The following ZNF385D variants were observed in gnomAD, a reference collection of about 807,000 sequenced individuals.
ZNF385D encodes the protein zinc finger protein 659.
Under a neutral mutation model 35.8 loss-of-function variants are expected in ZNF385D, and 15 were observed. The observed-to-expected ratio is 0.42, with a 90% confidence interval of 0.28 to 0.64. The LOEUF (loss-of-function observed/expected upper bound fraction) is 0.64. ZNF385D is among the 30% of genes least tolerant of loss of function. The pLI, the probability that ZNF385D is intolerant of heterozygous loss-of-function variation, is 0.23. For synonymous variants in ZNF385D, 212 were observed against 186.8 expected (o/e 1.13, Z -1.10); for missense variants, 474 against 494.6 (o/e 0.96, Z 0.39).
chr3:21,601,947 A>T (rs1248088973), intron 2 of ZNF385D, among the ~76,000 whole-genome samples: 1 of 152,210 alleles, frequency 6.6e-6, no homozygotes, highest in Non-Finnish European at 1.5e-5. Flanking sequence ...AGAATAAAGC[A>T]CGTGTATTAG....
intron 3 of ZNF385D, among the ~76,000 whole-genome samples, chr3:21,830,189 C>G (rs530212521): frequency 6.6e-6 from 1 of 152,142 alleles, no homozygotes; most frequent in Non-Finnish European, 1.5e-5. Flanking sequence ...TCTAATTACT[C>G]TAGTAAAAAT....
intron 4 of ZNF385D, among the ~76,000 whole-genome samples, chr3:21,474,239 T>C (rs1704088774): frequency 6.6e-6 from 1 of 152,108 alleles, no homozygotes; most frequent in African/African-American, 2.4e-5. Flanking sequence ...GGAATGTCTC[T>C]ATCCACAGTG....
At chr3:22,322,842 A>T (rs187628438) in intron 2 of ZNF385D, among the ~76,000 whole-genome samples, 1 of 152,130 alleles carries the variant, frequency 6.6e-6, no homozygotes, top group African/African-American at 2.4e-5. Flanking sequence ...AAAGTTCTGG[A>T]TATTTTTTAC....
intron 3 of ZNF385D, among the ~76,000 whole-genome samples, chr3:21,762,010 C>T (rs1044199776): frequency 1.1e-4 from 17 of 150,680 alleles, no homozygotes; most frequent in Non-Finnish European, 2.4e-4. Flanking sequence ...TCCCGAGTAG[C>T]CGAGATTACA....
intron 3 of ZNF385D, among the ~76,000 whole-genome samples, chr3:21,783,780 A>T (rs1414700689): frequency 2.6e-5 from 4 of 152,202 alleles, no homozygotes; most frequent in African/African-American, 9.7e-5. Flanking sequence ...GCTTCAGGCA[A>T]AGTCAACTGA....
chr3:21,579,775 A>ATTACTAGCTGCTAGTGTTTTGCCG (rs60789309), intron 2 of ZNF385D: 1 of 151,652 alleles, frequency 6.6e-6, no homozygotes, highest in Non-Finnish European at 1.5e-5. Context: ...CTTCCTTGCC[A>ATTACTAGCTGCTAGTGTTTTGCCG]GCCGTCTCTG....
intron 3 of ZNF385D, among the ~76,000 whole-genome samples, chr3:22,087,141 C>A (rs1221971081): frequency 1.3e-5 from 2 of 152,046 alleles, no homozygotes; most frequent in Non-Finnish European, 2.9e-5. Flanking sequence ...ATTATGAGAT[C>A]TTTTTTGAAA....
chr3:22,132,515 T>C (rs1459778694), intron 3 of ZNF385D, among the ~76,000 whole-genome samples: 1 of 152,146 alleles, frequency 6.6e-6, no homozygotes, highest in Admixed American at 6.6e-5. Context: ...TATAGGTAAG[T>C]TTCAGAGGAT....
chr3:21,543,105 G>C (rs1294251431), intron 3 of ZNF385D: 4 of 152,336 alleles, frequency 2.6e-5, no homozygotes, highest in African/African-American at 9.7e-5. Flanking sequence ...GTGAGGTCAG[G>C]AGTTTGAGAC....
chr3:22,125,629 T>G (rs1324337541), intron 3 of ZNF385D, among the ~76,000 whole-genome samples: 1 of 152,144 alleles, frequency 6.6e-6, no homozygotes, highest in Non-Finnish European at 1.5e-5. Flanking sequence ...AGTTTTCTTG[T>G]AAAGGTCTTT....
intron 3 of ZNF385D, among the ~76,000 whole-genome samples, chr3:21,766,872 G>A (rs2070851353): frequency 6.6e-6 from 1 of 152,016 alleles, no homozygotes; most frequent in African/African-American, 2.4e-5. Flanking sequence ...GTACTGGAAA[G>A]GATTTGTGGC....
At chr3:22,256,349 C>G (rs1700317243) in intron 2 of ZNF385D, among the ~76,000 whole-genome samples, 2 of 150,352 alleles carry the variant, frequency 1.3e-5, no homozygotes, top group Non-Finnish European at 3.0e-5. Flanking sequence ...AATATTATGA[C>G]TACTTTTTAT....
rs540780394 is a variant in ZNF385D, at chr3:21,875,076, T to A, written c.326-210048A>T. Among the ~76,000 whole-genome samples, 5 of 152,192 alleles carry A rather than the reference T, an allele frequency of 3.3e-5. No individual in the cohort carries two copies. In the East Asian group the frequency reaches 9.6e-4, roughly 29 times the overall value. On this transcript the variant is annotated intron_variant, in intron 3 of 5. Coordinates refer to the ZNF385D transcript ENST00000494108. ...ATTGTTTAGTGTACAGAAACACAAC[T>A]GATTTTTGTATGTTAATTTTATGCC...
chr3:21,703,829 C>T (rs1022394922), intron 1 of ZNF385D, among the ~76,000 whole-genome samples: 3 of 151,970 alleles, frequency 2.0e-5, no homozygotes, highest in East Asian at 2.0e-4. Flanking sequence ...CAGGCACTTA[C>T]CTAGCAATAG....
At position 22,194,474 on chromosome 3, in the gene ZNF385D, C is replaced by A. The variant is rs1696270755; in HGVS notation, c.107-25439G>T. ...ACAGAGAAGATTTGTTTTTTAAAATCTTATTTTTCCATTTATATCTTTCTT... is the reference window on the plus strand; with the variant it reads ...ACAGAGAAGATTTGTTTTTTAAAATATTATTTTTCCATTTATATCTTTCTT... On this transcript the variant is annotated intron_variant, in intron 2 of 5. Coordinates refer to the ZNF385D transcript ENST00000494108. Among the ~76,000 whole-genome samples, 3 of 151,696 alleles carry A rather than the reference C, an allele frequency of 2.0e-5. No homozygotes were observed. The Admixed American group carries it at 2.0e-4, about 10-fold the overall frequency.
intron 3 of ZNF385D, among the ~76,000 whole-genome samples, chr3:21,759,160 A>T (rs1200875612): frequency 6.6e-6 from 1 of 152,014 alleles, no homozygotes; most frequent in South Asian, 2.1e-4. Context: ...ACAAATGAAT[A>T]CTCTAGGACA....
At chr3:21,762,333 T>C (rs2070654762) in intron 3 of ZNF385D, among the ~76,000 whole-genome samples, 1 of 152,124 alleles carries the variant, frequency 6.6e-6, no homozygotes, top group Non-Finnish European at 1.5e-5. Flanking sequence ...CCAATACCAT[T>C]TCTCTATGCC....
chr3:22,224,294 G>T (rs1698430398), intron 2 of ZNF385D, among the ~76,000 whole-genome samples: 1 of 152,072 alleles, frequency 6.6e-6, no homozygotes, highest in South Asian at 2.1e-4. Context: ...ATCTTCTTTG[G>T]AGTAGTAGTG....
At chr3:22,021,917 C>A (rs576751195) in intron 3 of ZNF385D, among the ~76,000 whole-genome samples, 1 of 152,032 alleles carries the variant, frequency 6.6e-6, no homozygotes, top group Non-Finnish European at 1.5e-5. Context: ...TTCTAATGTG[C>A]AGACAAGTTT....
Sources: gnomAD v4.1 joint callset for allele counts (sites outside exome capture counted in the v4.1 genomes callset) on GRCh38, gnomAD v4.1.1 for gene constraint, MANE v1.5 for transcripts, NCBI Gene and HGNC (gene_info 2026-07-23, HGNC 2026-07-21) for gene names.